The following CDKN2B-AS1 variants were observed in gnomAD, a reference collection of about 807,000 sequenced individuals.
CDKN2B-AS1 encodes the protein CDKN2B and CDKN2A antisense cis and trans regulatory RNA 1, also known as CDKN2B antisense RNA 1 (non-protein coding).
intron 4 of CDKN2B-AS1, among the ~76,000 whole-genome samples, chr9:22,117,279 A>G (rs1825974561): frequency 6.6e-6 from 1 of 152,220 alleles, no homozygotes; most frequent in Non-Finnish European, 1.5e-5. Context: ...CAAAATCAAT[A>G]AGGAAGCTTA....
chr9:22,027,736 C>T (rs1443739204), intron 1 of CDKN2B-AS1, among the ~76,000 whole-genome samples: 2 of 152,096 alleles, frequency 1.3e-5, no homozygotes, highest in South Asian at 2.1e-4. Context: ...GTAAAAGATT[C>T]CTGTTCATGG....
intron 4 of CDKN2B-AS1, among the ~76,000 whole-genome samples, chr9:22,123,030 C>T (rs1826132729): frequency 6.6e-6 from 1 of 151,900 alleles, no homozygotes. Context: ...CCATTTCTTT[C>T]ATCAGTATTT....
At chr9:22,074,661 T>TA (rs1335120787) in intron 4 of CDKN2B-AS1, among the ~76,000 whole-genome samples, 1 of 152,212 alleles carries the variant, frequency 6.6e-6, no homozygotes, top group African/African-American at 2.4e-5. Flanking sequence ...GGGGAGCGAC[T>TA]TTCTTGGGAC....
chr9:22,026,085 C>T (rs1822225674), intron 1 of CDKN2B-AS1, among the ~76,000 whole-genome samples: 1 of 150,474 alleles, frequency 6.6e-6, no homozygotes, highest in African/African-American at 2.4e-5. Flanking sequence ...GGATTGGGGA[C>T]CTGCTAAAAA....
At chr9:22,047,208 TTGTC>T (rs949985289) in intron 2 of CDKN2B-AS1, among the ~76,000 whole-genome samples, 2 of 152,192 alleles carry the variant, frequency 1.3e-5, no homozygotes, top group African/African-American at 4.8e-5. Context: ...CCTCTTTATT[TTGTC>T]TGTACCCAAT....
rs193299179 is a variant in CDKN2B-AS1, at chr9:22,057,606, C to T, written n.438+1219C>T. Among the ~76,000 whole-genome samples, 25 of 151,712 alleles carry T rather than the reference C, an allele frequency of 1.6e-4. No individual in the cohort carries two copies. In the East Asian group the frequency reaches 4.7e-3, roughly 29 times the overall value. ...GGCTGATTGCTTGAGCTCAGGAGTTCGAGGCCAGCTTGGGCAACATGGTGT... is the reference window on the plus strand; with the variant it reads ...GGCTGATTGCTTGAGCTCAGGAGTTTGAGGCCAGCTTGGGCAACATGGTGT... On this transcript the variant is annotated intron_variant and non_coding_transcript_variant, in intron 4 of 4. Coordinates refer to ENST00000650946, the Ensembl canonical transcript of CDKN2B-AS1.
intron 4 of CDKN2B-AS1, among the ~76,000 whole-genome samples, chr9:22,114,453 G>T (rs1281199587): frequency 2.6e-5 from 4 of 152,170 alleles, no homozygotes; most frequent in Non-Finnish European, 5.9e-5. Flanking sequence ...GTACATAGAG[G>T]AGCCTGGGCA....
chr9:22,084,135 CT>C (rs1206766117), intron 4 of CDKN2B-AS1, among the ~76,000 whole-genome samples: 1 of 151,984 alleles, frequency 6.6e-6, no homozygotes, highest in Non-Finnish European at 1.5e-5. Context: ...TTTATTTTTC[CT>C]GTGTTTTAGA....
intron 4 of CDKN2B-AS1, among the ~76,000 whole-genome samples, chr9:22,125,586 A>G (rs73650063): frequency 0.025 from 3,802 of 152,326 alleles, 138 homozygotes; most frequent in African/African-American, 0.085. Context: ...TCACATTTAT[A>G]CAGTAGTGAA....
intron 1 of CDKN2B-AS1, among the ~76,000 whole-genome samples, chr9:22,038,065 A>G (rs1429977208): frequency 6.6e-6 from 1 of 152,044 alleles, no homozygotes; most frequent in East Asian, 1.9e-4. Flanking sequence ...ACACAATCAT[A>G]TTTCATAATG....
chr9:22,072,506 T>G (rs1378918259), intron 4 of CDKN2B-AS1, among the ~76,000 whole-genome samples: 1 of 152,242 alleles, frequency 6.6e-6, no homozygotes, highest in African/African-American at 2.4e-5. Context: ...TGTGTGCGCC[T>G]GCACATGTAG....
chr9:22,041,380 T>C (rs1421875619), intron 1 of CDKN2B-AS1, among the ~76,000 whole-genome samples: 9 of 152,030 alleles, frequency 5.9e-5, no homozygotes, highest in African/African-American at 2.2e-4. Context: ...TCCTGTGCGA[T>C]ATTTTTCAAA....
intron 1 of CDKN2B-AS1, among the ~76,000 whole-genome samples, chr9:22,026,539 T>C (rs560757744): frequency 2.0e-5 from 3 of 152,178 alleles, no homozygotes; most frequent in Non-Finnish European, 2.9e-5. Flanking sequence ...GGAGGCACAA[T>C]GTTGCTACTG....
intron 1 of CDKN2B-AS1, among the ~76,000 whole-genome samples, chr9:22,028,929 A>G (rs1353326241): frequency 6.6e-6 from 1 of 152,206 alleles, no homozygotes; most frequent in African/African-American, 2.4e-5. Context: ...TGAAACACAG[A>G]TTGATTATGG....
At chr9:22,065,479 A>G (rs915220667) in intron 4 of CDKN2B-AS1, among the ~76,000 whole-genome samples, 2 of 152,234 alleles carry the variant, frequency 1.3e-5, no homozygotes, top group Non-Finnish European at 2.9e-5. Flanking sequence ...ACCAAGATGT[A>G]TTAATACCTC....
intron 1 of CDKN2B-AS1, among the ~76,000 whole-genome samples, chr9:22,007,416 G>T (rs1356396792): frequency 6.6e-6 from 1 of 152,078 alleles, no homozygotes; most frequent in Non-Finnish European, 1.5e-5. Context: ...AGTCAATCAG[G>T]ATGATGCATA....
intron 4 of CDKN2B-AS1, among the ~76,000 whole-genome samples, chr9:22,110,643 C>G (rs1335122573): frequency 6.6e-6 from 1 of 152,048 alleles, no homozygotes; most frequent in Non-Finnish European, 1.5e-5. Flanking sequence ...GTCTTGCAAT[C>G]ATTGTGTATA....
intron 1 of CDKN2B-AS1, among the ~76,000 whole-genome samples, chr9:22,016,416 A>G (rs553095360): frequency 6.6e-6 from 1 of 152,330 alleles, no homozygotes; most frequent in East Asian, 1.9e-4. Context: ...CAAGCTGCCA[A>G]TGACTTTCTT....
intron 1 of CDKN2B-AS1, among the ~76,000 whole-genome samples, chr9:22,040,319 G>T (rs1822848566): frequency 6.6e-6 from 1 of 152,062 alleles, no homozygotes; most frequent in African/African-American, 2.4e-5. Flanking sequence ...GAGCCTCATA[G>T]AAATTAAATG....
Sources: allele counts gnomAD v4.1 joint callset (sites outside exome capture counted in the v4.1 genomes callset), GRCh38; gene constraint gnomAD v4.1.1; transcripts MANE v1.5; gene names NCBI Gene and HGNC (gene_info 2026-07-23, HGNC 2026-07-21).